The following RDX variants were observed in gnomAD, a reference collection of about 807,000 sequenced individuals.
RDX encodes deafness, autosomal recessive 24.
In RDX, 32 loss-of-function variants were observed where a neutral mutation model predicts 83.7. The ratio of observed to expected loss-of-function variants is 0.38; its 90% CI spans 0.29 to 0.51. RDX has a LOEUF of 0.51. RDX is among the 20% of genes least tolerant of loss of function. The pLI is 0.87. For synonymous variants in RDX, 229 were observed against 222.7 expected (o/e 1.03, Z -0.25); for missense variants, 600 against 689.9 (o/e 0.87, Z 1.46).
chr11:110,208,067 G>A (rs1457457848), intron 14 of RDX, among the ~76,000 whole-genome samples: 1 of 150,848 alleles, frequency 6.6e-6, no homozygotes, highest in African/African-American at 2.4e-5. Flanking sequence ...GTGGTCTCCC[G>A]CCTTGGCCTA....
chr11:110,295,778 G>C (rs1345010476), intron 1 of RDX, among the ~76,000 whole-genome samples: 1 of 152,208 alleles, frequency 6.6e-6, no homozygotes, highest in Non-Finnish European at 1.5e-5. Context: ...AAAACTGAGC[G>C]GCCTCAAGGG....
chr11:110,179,899 TTTTC>T (rs1225159329), intron 15 of RDX: 17 of 388,410 alleles, frequency 4.4e-5, no homozygotes, highest in South Asian at 2.5e-4. Context: ...TCTTTTTCTT[TTTTC>T]TTTTTTTTTT....
intron 14 of RDX, among the ~76,000 whole-genome samples, chr11:110,204,513 CCTT>C (rs1459602533): frequency 8.1e-6 from 1 of 123,072 alleles, no homozygotes; most frequent in African/African-American, 3.1e-5. Flanking sequence ...TTTTTTTTTT[CCTT>C]TTTTTTTTTT....
At chr11:110,210,737 T>C (rs1289591126) in intron 14 of RDX, among the ~76,000 whole-genome samples, 176 of 151,478 alleles carry the variant, frequency 1.2e-3, no homozygotes, top group Non-Finnish European at 1.7e-3. Flanking sequence ...TCCAGCCAAA[T>C]TAAGCTTCAT....
chr11:110,251,958 G>A, intron 9 of RDX, among the ~76,000 whole-genome samples: 1 of 152,080 alleles, frequency 6.6e-6, no homozygotes, highest in Non-Finnish European at 1.5e-5. Context: ...CATACCTCTG[G>A]GCATTCTCCC....
chr11:110,178,797 T>C (rs1862826240), intron 15 of RDX, among the ~76,000 whole-genome samples: 1 of 152,102 alleles, frequency 6.6e-6, no homozygotes, highest in Non-Finnish European at 1.5e-5. Context: ...AGCTCAGGAT[T>C]TGGGCCTTTA....
intron 9 of RDX, among the ~76,000 whole-genome samples, chr11:110,251,632 T>C (rs567419603): frequency 1.3e-5 from 2 of 152,166 alleles, no homozygotes; most frequent in South Asian, 2.1e-4. Flanking sequence ...AATTGGTACA[T>C]AGGTATGTAA....
intron 15 of RDX, among the ~76,000 whole-genome samples, chr11:110,176,866 A>G (rs1340040570): frequency 6.6e-6 from 1 of 152,112 alleles, no homozygotes; most frequent in Non-Finnish European, 1.5e-5. Context: ...GTTCATCTGA[A>G]CAGGTAGCAG....
chr11:110,254,929 C>G (rs1318338156), intron 8 of RDX, among the ~76,000 whole-genome samples: 1 of 152,174 alleles, frequency 6.6e-6, no homozygotes, highest in Non-Finnish European at 1.5e-5. Flanking sequence ...TAAAGCAAAA[C>G]TGTATAAACG....
intron 15 of RDX, chr11:110,196,013 G>C (rs1008974912): frequency 1.3e-5 from 2 of 152,298 alleles, no homozygotes; most frequent in Admixed American, 1.3e-4. Flanking sequence ...ACAGTAAACT[G>C]AGAAGAGGAG....
chr11:110,179,029 A>G (rs1591494785), intron 15 of RDX, among the ~76,000 whole-genome samples: 2 of 152,270 alleles, frequency 1.3e-5, no homozygotes, highest in African/African-American at 2.4e-5. Flanking sequence ...AAAATACCAA[A>G]GATTTTTACA....
At chr11:110,270,151 T>A (rs2077595) in intron 3 of RDX, among the ~76,000 whole-genome samples, 63,921 of 151,842 alleles carry the variant, frequency 0.42, 13,564 homozygotes, top group East Asian at 0.51. Context: ...CAGGGTTGCT[T>A]AACGATGGGG....
At chr11:110,228,638 T>C (rs1304023948), downstream of RDX, among the ~76,000 whole-genome samples, 1 of 152,026 alleles carries the variant, frequency 6.6e-6, no homozygotes, top group Admixed American at 6.6e-5. Flanking sequence ...TAAAAAATTA[T>C]TTTCATTTCT....
At chr11:110,246,551 G>A (rs1591147438) in intron 10 of RDX, among the ~76,000 whole-genome samples, 1 of 152,024 alleles carries the variant, frequency 6.6e-6, no homozygotes, top group African/African-American at 2.4e-5. Context: ...GACGCGGGTG[G>A]ATCACTTGAA....
chr11:110,291,989 G>A (rs542183724), intron 1 of RDX, among the ~76,000 whole-genome samples: 1 of 151,796 alleles, frequency 6.6e-6, no homozygotes, highest in Admixed American at 6.5e-5. Flanking sequence ...CTACAAAAAG[G>A]CTTTTTAAAA....
chr11:110,268,312 G>GAAA (rs201275055), intron 3 of RDX, among the ~76,000 whole-genome samples: 1 of 136,586 alleles, frequency 7.3e-6, no homozygotes, highest in Non-Finnish European at 1.6e-5. Context: ...CTGTTTCGGG[G>GAAA]AAAAAAAAAA....
intron 10 of RDX, among the ~76,000 whole-genome samples, chr11:110,240,462 G>GTGA (rs1865040860): frequency 6.6e-6 from 1 of 152,134 alleles, no homozygotes; most frequent in Non-Finnish European, 1.5e-5. Context: ...GGTAAAAATA[G>GTGA]GCCGGGCGCG....
downstream of RDX, among the ~76,000 whole-genome samples, chr11:110,228,988 TAAG>T (rs994444281): frequency 6.6e-6 from 1 of 151,944 alleles, no homozygotes; most frequent in African/African-American, 2.4e-5. Context: ...TAAAAATTAG[TAAG>T]AAGACTTGAA....
chr11:110,277,084 A>G (rs886267256), intron 2 of RDX, among the ~76,000 whole-genome samples: 1 of 152,220 alleles, frequency 6.6e-6, no homozygotes, highest in Non-Finnish European at 1.5e-5. Context: ...TTTTCTCCAC[A>G]AGGCAAGTTC....
Sources: gnomAD v4.1 joint callset for allele counts (sites outside exome capture counted in the v4.1 genomes callset) on GRCh38, gnomAD v4.1.1 for gene constraint, MANE v1.5 for transcripts, NCBI Gene and HGNC (gene_info 2026-07-23, HGNC 2026-07-21) for gene names.